The following CACNA1A variants were observed in gnomAD, a reference collection of about 807,000 sequenced individuals.
The protein encoded by CACNA1A is voltage-dependent P/Q-type calcium channel subunit alpha-1A.
A neutral mutation model predicts 262.4 loss-of-function variants in CACNA1A; 57 were observed. The observed-to-expected ratio is 0.22, with a 90% confidence interval of 0.18 to 0.27. The LOEUF (loss-of-function observed/expected upper bound fraction) is 0.27. CACNA1A is among the 10% of genes least tolerant of loss of function. CACNA1A has a pLI of 1.00. For missense variants in CACNA1A, 2,526 were observed against 3,562.8 expected (o/e 0.71, Z 7.41); for synonymous variants, 1,431 against 1,419.3 (o/e 1.01, Z -0.18).
intron 14 of CACNA1A, 125 bp from the exon 15 acceptor site, chr19:13,307,979 G>A: frequency 7.3e-7 from 1 of 1,368,732 alleles, no homozygotes; most frequent in Non-Finnish European, 1.0e-6. Flanking sequence ...ACCCTGAGTG[G>A]TACCCAGGGC....
At chr19:13,328,816 G>C (rs535217761) in intron 10 of CACNA1A, among the ~76,000 whole-genome samples, 2 of 152,090 alleles carry the variant, frequency 1.3e-5, no homozygotes, top group South Asian at 4.2e-4. Context: ...AACTAGGGGC[G>C]AGCGATAAAA....
At chr19:13,290,453 T>C (rs1380045130) in intron 19 of CACNA1A, among the ~76,000 whole-genome samples, 1 of 152,074 alleles carries the variant, frequency 6.6e-6, no homozygotes, top group East Asian at 1.9e-4. Flanking sequence ...AGGGTCTTGC[T>C]CTGTTGCCCA....
At chr19:13,245,306 C>A (rs1405943767) in intron 30 of CACNA1A, 41 bp from the exon 31 acceptor site, 2 of 1,558,256 alleles carry the variant, frequency 1.3e-6, no homozygotes, top group African/African-American at 1.4e-5. Flanking sequence ...CAACAGAGGG[C>A]TTGGTTCCCG....
At chr19:13,323,287 C>A (rs1230019474) in intron 10 of CACNA1A, among the ~76,000 whole-genome samples, 1 of 151,904 alleles carries the variant, frequency 6.6e-6, no homozygotes, top group Non-Finnish European at 1.5e-5. Flanking sequence ...AAAAAACAAA[C>A]AAACAAACAA....
intron 6 of CACNA1A, among the ~76,000 whole-genome samples, chr19:13,352,921 C>T (rs1437364316): frequency 6.6e-6 from 1 of 151,984 alleles, no homozygotes; most frequent in African/African-American, 2.4e-5. Flanking sequence ...TACAGGCGCC[C>T]GCCACCATGC....
chr19:13,418,799 GAT>G (rs1358333150), intron 3 of CACNA1A, among the ~76,000 whole-genome samples: 2 of 152,196 alleles, frequency 1.3e-5, no homozygotes, highest in African/African-American at 4.8e-5. Context: ...ACGATGTTTT[GAT>G]ATGTTTTGAT....
chr19:13,232,490 G>C (rs1398125172), intron 34 of CACNA1A, among the ~76,000 whole-genome samples: 1 of 152,008 alleles, frequency 6.6e-6, no homozygotes, highest in African/African-American at 2.4e-5. Context: ...CCAGCACTTT[G>C]GGAGGCTGAG....
chr19:13,330,878 C>T (rs1295706635), intron 9 of CACNA1A, among the ~76,000 whole-genome samples: 2 of 152,134 alleles, frequency 1.3e-5, no homozygotes, highest in Admixed American at 6.5e-5. Flanking sequence ...CGTGAGCCGC[C>T]CCACTCAGCC....
intron 3 of CACNA1A, among the ~76,000 whole-genome samples, chr19:13,421,668 T>C (rs1413472538): frequency 6.6e-6 from 1 of 152,116 alleles, no homozygotes; most frequent in Non-Finnish European, 1.5e-5. Flanking sequence ...CATGGAAAGA[T>C]GCAGTAGGAA....
chr19:13,497,789 A>G (rs1981866893), intron 1 of CACNA1A, among the ~76,000 whole-genome samples: 1 of 151,556 alleles, frequency 6.6e-6, no homozygotes, highest in African/African-American at 2.4e-5. Flanking sequence ...TCACAGGATG[A>G]TTATATATGC....
chr19:13,472,489 C>T (rs949177552), intron 1 of CACNA1A, among the ~76,000 whole-genome samples: 25 of 152,164 alleles, frequency 1.6e-4, no homozygotes, highest in African/African-American at 5.5e-4. Flanking sequence ...TCTCTGCCAA[C>T]TTCTTGGGTG....
Position 13,325,423 on chromosome 19 carries a change from T to C in CACNA1A, c.1345+4821A>G, listed in dbSNP as rs140431175. 3.9e-3 allele frequency among the ~76,000 whole-genome samples: 595 copies of C among 152,258 alleles called. 11 individuals are homozygous for C. Among genetic ancestry groups the C allele is most frequent in the Non-Finnish European group, 2.9e-3 (195 of 68,010 alleles). On this transcript the variant is annotated intron_variant, in intron 10 of 46. Transcript: ENST00000360228. Reference sequence around the variant, plus strand: ...TTCCAAAACATTGGGATTATAGGCATGAGCCACCGCACCAGGCCTGTATTA... The same window carrying C: ...TTCCAAAACATTGGGATTATAGGCACGAGCCACCGCACCAGGCCTGTATTA...
chr19:13,427,038 C>G (rs571655082), intron 3 of CACNA1A, among the ~76,000 whole-genome samples: 1 of 152,196 alleles, frequency 6.6e-6, no homozygotes, highest in Non-Finnish European at 1.5e-5. Context: ...CAGCAATTTC[C>G]GTCTCTAAAA....
chr19:13,288,508 G>A (rs1473893490), intron 19 of CACNA1A, among the ~76,000 whole-genome samples: 2 of 152,166 alleles, frequency 1.3e-5, no homozygotes, highest in Non-Finnish European at 1.5e-5. Context: ...AAAGTGCTGG[G>A]ATTATAGGCC....
At chr19:13,386,558 G>A (rs1373849088) in intron 3 of CACNA1A, among the ~76,000 whole-genome samples, 2 of 152,094 alleles carry the variant, frequency 1.3e-5, no homozygotes, top group Non-Finnish European at 2.9e-5. Context: ...GGAGGCCGAG[G>A]CAGGTGCATC....
At chr19:13,464,046 G>A (rs1447411918) in intron 1 of CACNA1A, among the ~76,000 whole-genome samples, 1 of 152,112 alleles carries the variant, frequency 6.6e-6, no homozygotes, top group Non-Finnish European at 1.5e-5. Flanking sequence ...AAGTGCTCAA[G>A]GAATGTGAGT....
At chr19:13,249,340 A>G (rs576740986) in intron 30 of CACNA1A, among the ~76,000 whole-genome samples, 1 of 152,124 alleles carries the variant, frequency 6.6e-6, no homozygotes, top group South Asian at 2.1e-4. Flanking sequence ...GTCCATTAGT[A>G]GGATCCCTTT....
At chr19:13,391,444 CAT>C (rs1468414982) in intron 3 of CACNA1A, among the ~76,000 whole-genome samples, 1 of 152,076 alleles carries the variant, frequency 6.6e-6, no homozygotes, top group Non-Finnish European at 1.5e-5. Flanking sequence ...AACAAAAGGA[CAT>C]GTTTCTATTT....
chr19:13,419,499 A>G (rs910872940), intron 3 of CACNA1A, among the ~76,000 whole-genome samples: 4 of 152,012 alleles, frequency 2.6e-5, no homozygotes, highest in African/African-American at 9.7e-5. Flanking sequence ...TAACATAGGG[A>G]GACCCCACCT....
Sources: allele counts gnomAD v4.1 joint callset (sites outside exome capture counted in the v4.1 genomes callset), GRCh38; gene constraint gnomAD v4.1.1; transcripts MANE v1.5; gene names NCBI Gene and HGNC (gene_info 2026-07-23, HGNC 2026-07-21).